ALLC: variants seen among roughly 807,000 people sequenced by gnomAD.
ALLC encodes the protein probable inactive allantoicase.
In ALLC, 40 loss-of-function variants were observed where a neutral mutation model predicts 45.0. That is an observed-to-expected ratio of 0.89 (90% confidence interval 0.69 to 1.16). ALLC has a LOEUF of 1.16. Among genes scored for constraint, ALLC ranks in the 50% most tolerant of loss-of-function variants. The pLI is 0.00. For missense variants in ALLC, 488 were observed against 493.1 expected, an observed-to-expected ratio of 0.99 and a Z score of 0.10; for synonymous variants, 176 against 178.1, an observed-to-expected ratio of 0.99 and a Z score of 0.09.
In ALLC at chr2:3,702,578, C is replaced by T. The variant is rs776479222; in HGVS notation, c.*15C>T. 7.9e-6 allele frequency: 12 copies of T among 1,520,270 alleles called. No individual in the cohort carries two copies. The South Asian group carries it at 9.0e-5, about 11-fold the overall frequency. The allele number at this position is 1,520,270 out of a possible 1,614,324, so 94.2% of individuals were successfully genotyped here. A position where few individuals can be genotyped will look rare whatever the true frequency, so the allele number is the denominator to read the frequency against. ...CAAACCCTTAACACACACAAAGCCC[C>T]GGTGTCGGACACACAGCAGTAATTT... On this transcript the variant is annotated 3_prime_UTR_variant, in exon 12 of 12. Coordinates refer to ENST00000252505, the MANE Select transcript of ALLC (RefSeq NM_018436.4).
At chr2:3,648,397 G>T in the ALLC span, among the ~76,000 whole-genome samples, 33 of 152,168 alleles carry the variant, frequency 2.2e-4, no homozygotes, top group African/African-American at 7.7e-4. Flanking sequence ...CAAAGCTCTC[G>T]TGCACACATA....
intron 11 of ALLC, 37 bp downstream of exon 11, chr2:3,701,673 CTG>C (rs763026133): frequency 6.3e-7 from 1 of 1,594,288 alleles, no homozygotes; most frequent in Non-Finnish European, 8.6e-7. Context: ...AGCACTCAGA[CTG>C]TGCTATTTCC....
the ALLC span, among the ~76,000 whole-genome samples, chr2:3,648,598 C>T: frequency 6.6e-6 from 1 of 152,174 alleles, no homozygotes; most frequent in African/African-American, 2.4e-5. Flanking sequence ...GTGCGGACTC[C>T]TGGCCACAGG....
At chr2:3,656,162 G>T (rs914322443), upstream of ALLC, among the ~76,000 whole-genome samples, 1 of 152,236 alleles carries the variant, frequency 6.6e-6, no homozygotes, top group Admixed American at 6.5e-5. Flanking sequence ...CTCCATCATC[G>T]CAGGCTGATC....
At chr2:3,693,807 G>A (rs1445623979) in intron 7 of ALLC, among the ~76,000 whole-genome samples, 1 of 152,152 alleles carries the variant, frequency 6.6e-6, no homozygotes, top group Non-Finnish European at 1.5e-5. Flanking sequence ...GGCCAACATG[G>A]GGAAACCTTG....
intron 9 of ALLC, 150 bp from the exon 10 acceptor site, chr2:3,697,198 A>G (rs950286021): frequency 1.4e-5 from 8 of 555,014 alleles, no homozygotes; most frequent in Non-Finnish European, 2.5e-5. Flanking sequence ...AATTTACATG[A>G]AAGTGATTTA....
chr2:3,678,813 G>C (rs1667097035), intron 4 of ALLC, among the ~76,000 whole-genome samples: 1 of 152,166 alleles, frequency 6.6e-6, no homozygotes, highest in South Asian at 2.1e-4. Context: ...GAGGTCTGCG[G>C]ATGGAAAAAA....
intron 1 of ALLC, among the ~76,000 whole-genome samples, chr2:3,664,462 A>C (rs1666645595): frequency 6.6e-6 from 1 of 152,220 alleles, no homozygotes; most frequent in Admixed American, 6.5e-5. Flanking sequence ...GTATCTTTAC[A>C]ACTCCTGTTC....
At chr2:3,646,186 G>A in the ALLC span, among the ~76,000 whole-genome samples, 1 of 152,076 alleles carries the variant, frequency 6.6e-6, no homozygotes, top group Non-Finnish European at 1.5e-5. Context: ...GAGAAGAACC[G>A]GGTTCCCTAG....
intron 2 of ALLC, 70 bp downstream of exon 2, chr2:3,671,260 G>T: frequency 3.3e-6 from 5 of 1,534,970 alleles, no homozygotes; most frequent in Non-Finnish European, 4.4e-6. Context: ...CACCAGTGCA[G>T]AGAACCTCAT....
At chr2:3,687,588 CT>C (rs1667362460) in intron 7 of ALLC, among the ~76,000 whole-genome samples, 1 of 150,754 alleles carries the variant, frequency 6.6e-6, no homozygotes, top group Non-Finnish European at 1.5e-5. Flanking sequence ...TAATGGGAGA[CT>C]TTTTAAATTT....
At chr2:3,650,661 T>G in the ALLC span, among the ~76,000 whole-genome samples, 2 of 152,292 alleles carry the variant, frequency 1.3e-5, no homozygotes, top group African/African-American at 4.8e-5. Context: ...CGCACTTGTC[T>G]GGGGCTCAGT....
chr2:3,697,775 C>T (rs1667721816), intron 10 of ALLC, among the ~76,000 whole-genome samples: 1 of 150,922 alleles, frequency 6.6e-6, no homozygotes, highest in Non-Finnish European at 1.5e-5. Context: ...AAGCGATTCT[C>T]CTGCCTCAGC....
intron 2 of ALLC, among the ~76,000 whole-genome samples, chr2:3,671,955 C>T (rs1666887241): frequency 1.6e-5 from 2 of 123,958 alleles, no homozygotes; most frequent in Non-Finnish European, 3.3e-5. Context: ...GGTCCTCTGG[C>T]TCTATTTAGA....
chr2:3,654,654 GAC>G (rs1273136068), upstream of ALLC, among the ~76,000 whole-genome samples: 15 of 152,250 alleles, frequency 9.9e-5, no homozygotes, highest in South Asian at 2.1e-4. Context: ...GCTCTGGGAT[GAC>G]ACAGTCAGTG....
intron 1 of ALLC, among the ~76,000 whole-genome samples, chr2:3,660,878 C>T (rs550556549): frequency 2.0e-5 from 3 of 152,092 alleles, no homozygotes; most frequent in South Asian, 4.2e-4. Context: ...AGCAGGTGAT[C>T]GGAATGAGTC....
intron 1 of ALLC, among the ~76,000 whole-genome samples, chr2:3,660,600 G>C (rs1666548489): frequency 1.3e-5 from 2 of 152,116 alleles, no homozygotes; most frequent in African/African-American, 4.8e-5. Flanking sequence ...CTCACAGATG[G>C]AGCAATGGCG....
chr2:3,682,872 C>T (rs1667230496), intron 6 of ALLC, 70 bp from the exon 7 acceptor site: 3 of 1,524,220 alleles, frequency 2.0e-6, no homozygotes, highest in Non-Finnish European at 2.7e-6. Context: ...TTAAGTGCCA[C>T]AGAGGCAATA....
intron 1 of ALLC, among the ~76,000 whole-genome samples, chr2:3,667,896 C>T (rs1474810705): frequency 6.6e-6 from 1 of 152,228 alleles, no homozygotes; most frequent in Non-Finnish European, 1.5e-5. Flanking sequence ...TCCCGAGTAG[C>T]TGGGATTACA....
Sources: gnomAD v4.1 joint callset for allele counts (sites outside exome capture counted in the v4.1 genomes callset) on GRCh38, gnomAD v4.1.1 for gene constraint, MANE v1.5 for transcripts, NCBI Gene and HGNC (gene_info 2026-07-23, HGNC 2026-07-21) for gene names.